Variants in ASIC1 observed in about 807,000 individuals in gnomAD.
ASIC1 encodes the protein acid sensing ion channel subunit 1.
ASIC1 carries 21 observed loss-of-function variants against 63.4 expected under a neutral mutation model. The ratio of observed to expected loss-of-function variants is 0.33; its 90% CI spans 0.23 to 0.48. The LOEUF (loss-of-function observed/expected upper bound fraction) is 0.48. ASIC1 is among the 20% of genes least tolerant of loss of function. ASIC1 has a pLI of 0.99. For missense variants in ASIC1, 478 were observed against 695.5 expected (o/e 0.69, Z 3.52); for synonymous variants, 258 against 278.2 (o/e 0.93, Z 0.72).
intron 3 of ASIC1, among the ~76,000 whole-genome samples, chr12:50,075,873 T>C (rs1163923023): frequency 1.3e-5 from 2 of 152,208 alleles, no homozygotes; most frequent in Admixed American, 1.3e-4. Flanking sequence ...GGTTTACTTT[T>C]CTCTTTGCAG....
At chr12:50,072,844 G>A (rs1448889286) in intron 3 of ASIC1, among the ~76,000 whole-genome samples, 1 of 152,010 alleles carries the variant, frequency 6.6e-6, no homozygotes, top group Non-Finnish European at 1.5e-5. Flanking sequence ...ATACATCTCA[G>A]CATAGGTGGG....
At position 50,057,889 on chromosome 12, in the gene ASIC1, G is replaced by A. The variant is rs1324856690; in HGVS notation, c.-44G>A. 1 of 151,912 alleles carries A rather than the reference G, an allele frequency of 6.6e-6. No homozygotes were observed. The highest frequency in any genetic ancestry group is 1.5e-5 in the Non-Finnish European group (1 of 67,976). The allele number at this position is 151,912 out of a possible 1,614,324, so 9.4% of individuals were successfully genotyped here. Reference sequence around the variant, plus strand: ...GTCCAGCGCCCCAGGACCCGCCGCCGGCTGCCGGCTTGCCGAAGCCCCCTC... The same window carrying A: ...GTCCAGCGCCCCAGGACCCGCCGCCAGCTGCCGGCTTGCCGAAGCCCCCTC... On this transcript the variant is annotated 5_prime_UTR_variant, in exon 1 of 12. Coordinates refer to ENST00000447966, the MANE Select transcript of ASIC1 (RefSeq NM_001095.4). The surrounding 1 kb of genome is among the most constrained non-coding windows in gnomAD (Gnocchi z 4.7).
intron 3 of ASIC1, among the ~76,000 whole-genome samples, chr12:50,072,207 G>A (rs1950606375): frequency 6.6e-6 from 1 of 152,186 alleles, no homozygotes; most frequent in South Asian, 2.1e-4. Context: ...ACATGGCCTG[G>A]GGCTAGGGGA....
At chr12:50,068,450 C>G (rs1314602338) in intron 3 of ASIC1, among the ~76,000 whole-genome samples, 1 of 152,090 alleles carries the variant, frequency 6.6e-6, no homozygotes, top group Non-Finnish European at 1.5e-5. Context: ...ACTGCCAAAT[C>G]AGACCTTTTT....
chr12:50,070,667 G>A (rs578079201), intron 3 of ASIC1: 1 of 152,292 alleles, frequency 6.6e-6, no homozygotes, highest in South Asian at 2.1e-4. Context: ...TGAAGGAGGG[G>A]GACAGTGCCC....
In ASIC1 at chr12:50,066,970, A is replaced by G. The variant is rs139502682; in HGVS notation, c.558+7016A>G. The stretch of plus-strand genomic sequence containing the variant: ...CTAATTCTGTCTCTCCCTGCTCTAC[A>G]GTTGGTCGCTCTTTCTCAAGTGAAA... On this transcript the variant is annotated intron_variant, in intron 3 of 11. Coordinates refer to ENST00000447966, the MANE Select transcript of ASIC1 (RefSeq NM_001095.4). Among the ~76,000 whole-genome samples the G allele has an allele frequency of 5.4e-4, 82 of 152,240 alleles. No homozygotes were observed. In the East Asian group the frequency reaches 0.015, roughly 27 times the overall value.
chr12:50,074,220 C>A lies in ASIC1; in HGVS notation c.559-2993C>A. On this transcript the variant is annotated intron_variant, in intron 3 of 11. Coordinates refer to ENST00000447966, the MANE Select transcript of ASIC1 (RefSeq NM_001095.4). The surrounding 1 kb of genome is among the most constrained non-coding windows in gnomAD (Gnocchi z 4.2). ...TCTATTGCTCCTACCAAGGGGGACCCTGCGGCCCTCACAACTTCTCAGTGG... is the reference window on the plus strand; with the variant it reads ...TCTATTGCTCCTACCAAGGGGGACCATGCGGCCCTCACAACTTCTCAGTGG... 1 of 1,498,964 alleles carries A rather than the reference C, an allele frequency of 6.7e-7. No individual in the cohort carries two copies. The allele number at this position is 1,498,964 out of a possible 1,614,324, so 92.9% of individuals were successfully genotyped here.
rs757239672 is a variant in ASIC1, at chr12:50,059,123, C to G, written c.357C>G (p.Asn119Lys). 1 of 1,612,658 alleles carries G rather than the reference C, an allele frequency of 6.2e-7. No individual in the cohort carries two copies. The highest frequency in any genetic ancestry group is 1.1e-5 in the South Asian group (1 of 91,062). Residue 119 changes from asparagine (N) to lysine (K), a missense_variant, in exon 2 of 12, where the codon AAC (asparagine) becomes AAG (lysine). Asn to Lys is a moderately conservative substitution (Grantham distance 94). Around this residue, in one of 3 missense-constraint regions of ASIC1, gnomAD observed 290 missense variants for 414.9 expected, o/e 0.70. Transcript: ENST00000447966. This position sits in a 1 kb window ranked among gnomAD's most constrained non-coding sequence, Gnocchi z 4.6. Reference protein sequence around the residue: ...YHAGELLALLNNRYEIPDTQM... With the variant: ...YHAGELLALLKNRYEIPDTQM... ...CTGGGGAGCTGCTGGCCCTGCTCAA[C>G]AACAGGTGGGTGGCTCCCACCCTCC...
In ASIC1 at chr12:50,074,246, T is replaced by G; in HGVS notation, c.559-2967T>G. ...TGCGGCCCTCACAACTTCTCAGTGG[T>G]GAGTGGAGCCCCATGCCTGCCACAG... On this transcript the variant is annotated intron_variant, in intron 3 of 11. Coordinates refer to ENST00000447966, the MANE Select transcript of ASIC1 (RefSeq NM_001095.4). This position sits in a 1 kb window ranked among gnomAD's most constrained non-coding sequence, Gnocchi z 4.2. 6.8e-7 allele frequency: 1 copy of G among 1,470,846 alleles called. No homozygotes were observed. Among genetic ancestry groups the G allele is most frequent in the Non-Finnish European group, 9.0e-7 (1 of 1,112,770 alleles). The allele number at this position is 1,470,846 out of a possible 1,614,324, so 91.1% of individuals were successfully genotyped here.
chr12:50,061,820 A>G (rs959989648), intron 3 of ASIC1, among the ~76,000 whole-genome samples: 2 of 152,228 alleles, frequency 1.3e-5, no homozygotes, highest in Non-Finnish European at 2.9e-5. Flanking sequence ...AGACACTGAG[A>G]TGTGATTGGT....
In ASIC1 at chr12:50,058,779, G is replaced by A; in HGVS notation, c.13G>A (p.Ala5Thr). The change falls in exon 2 of 12, where the codon GCC (alanine) becomes ACC (threonine). Residue 5 changes from alanine (A) to threonine (T), a missense_variant. Physicochemically the swap from Ala to Thr is moderately conservative, Grantham distance 58 (BLOSUM62 0). This residue lies in a region of ASIC1 where 290 missense variants were observed against 414.9 expected (regional missense o/e 0.70). Transcript: ENST00000447966. ...CCCCTCAACAAGGATGGAACTGAAGGCCGAGGAGGAGGAGGTGGGTGGCGT... is the reference window on the plus strand; with the variant it reads ...CCCCTCAACAAGGATGGAACTGAAGACCGAGGAGGAGGAGGTGGGTGGCGT... MELK[A>T]EEEEVGGVQP... 1 of 1,583,506 alleles carries A rather than the reference G, an allele frequency of 6.3e-7. No homozygotes were observed. The highest frequency in any genetic ancestry group is 8.6e-7 in the Non-Finnish European group (1 of 1,161,654).
At position 50,060,105 on chromosome 12, in the gene ASIC1, C is replaced by A. The variant is rs949451581; in HGVS notation, c.558+151C>A. The A allele has an allele frequency of 5.4e-6, 5 of 923,930 alleles. No individual in the cohort carries two copies. The African/African-American group carries it at 8.3e-5, about 15-fold the overall frequency. 57.2% of individuals were successfully genotyped at this position (923,930 alleles called of 1,614,324 possible). On this transcript the variant is annotated intron_variant, in intron 3 of 11. Transcript: ENST00000447966. ...GCTTCTAGTAGAAGGGGAGTTTGTT[C>A]AGCATAGGGGCACATTTGCACTCAC...
Position 50,076,359 on chromosome 12 carries a change from T to G in ASIC1, c.559-854T>G, listed in dbSNP as rs12305530. 1.8e-3 allele frequency among the ~76,000 whole-genome samples: 266 copies of G among 151,782 alleles called. 2 individuals carry two copies. The highest frequency in any genetic ancestry group is 6.0e-3 in the African/African-American group (247 of 41,366). The stretch of plus-strand genomic sequence containing the variant: ...TTGTGCACTTGTAATCCCAGCTACT[T>G]GGGAGGCTGAGGCAGGAGAATCACT... On this transcript the variant is annotated intron_variant, in intron 3 of 11. Transcript: ENST00000447966.
intron 7 of ASIC1, 75 bp from the exon 8 acceptor site, chr12:50,079,827 G>C: frequency 6.6e-7 from 1 of 1,519,194 alleles, no homozygotes; most frequent in Admixed American, 2.0e-5. Context: ...TCTGGGCAGA[G>C]CTAGGATGTG....
chr12:50,062,410 G>A (rs964647638), intron 3 of ASIC1, among the ~76,000 whole-genome samples: 2 of 152,226 alleles, frequency 1.3e-5, no homozygotes, highest in African/African-American at 4.8e-5. Flanking sequence ...CGATCTAAGG[G>A]AGACCATCTT....
intron 3 of ASIC1, among the ~76,000 whole-genome samples, chr12:50,072,345 C>A (rs901975229): frequency 6.6e-6 from 1 of 152,216 alleles, no homozygotes; most frequent in Admixed American, 6.5e-5. Flanking sequence ...CTCCTCCCCT[C>A]GGGTCACCTT....
At chr12:50,072,787 C>T (rs1044343628) in intron 3 of ASIC1, among the ~76,000 whole-genome samples, 1 of 152,076 alleles carries the variant, frequency 6.6e-6, no homozygotes, top group Admixed American at 6.5e-5. Flanking sequence ...GGAACCTGGG[C>T]TGGCCCACAA....
In ASIC1 at chr12:50,078,486, C is replaced by A; in HGVS notation, c.903C>A (p.Phe301Leu). Residue 301 changes from phenylalanine (F) to leucine (L), a missense_variant, in exon 6 of 12, where the codon TTC (phenylalanine) becomes TTA (leucine). By Grantham distance (22) the Phe-to-Leu change is conservative (BLOSUM62 0). Coordinates refer to ENST00000447966, the MANE Select transcript of ASIC1 (RefSeq NM_001095.4). The surrounding 1 kb of genome is among the most constrained non-coding windows in gnomAD (Gnocchi z 6.0). ...TTACCATGGACTCGGATTTGGATTT[C>A]TTCGACTCCTACAGCATCACTGCCT... ...KAVTMDSDLD[F>L]FDSYSITACR... The A allele has an allele frequency of 1.9e-6, 3 of 1,614,112 alleles. No individual in the cohort carries two copies. The highest frequency in any genetic ancestry group is 2.5e-6 in the Non-Finnish European group (3 of 1,179,994).
chr12:50,079,520 C>T lies in ASIC1; in HGVS notation c.1052-382C>T, dbSNP rs550475015. On this transcript the variant is annotated intron_variant, in intron 7 of 11. Coordinates refer to ENST00000447966, the MANE Select transcript of ASIC1 (RefSeq NM_001095.4). ...GGCCTTCATCTTCTTTCATCAGCCC[C>T]TCAGCTGGTTGACCCTGGAGGGTCC... Among the ~76,000 whole-genome samples, 186 of 152,276 alleles carry T rather than the reference C, an allele frequency of 1.2e-3. 1 individual carries two copies. The highest frequency in any genetic ancestry group is 4.4e-3 in the African/African-American group (184 of 41,568).
Sources: allele counts gnomAD v4.1 joint callset (sites outside exome capture counted in the v4.1 genomes callset), GRCh38; gene constraint gnomAD v4.1.1; regional missense constraint gnomAD v4.1.1; non-coding constraint Gnocchi (gnomAD v3.1); transcripts MANE v1.5; gene names NCBI Gene and HGNC (gene_info 2026-07-23, HGNC 2026-07-21).